MSRA: variants seen among roughly 807,000 people sequenced by gnomAD.
The protein encoded by MSRA is methionine sulfoxide reductase A.
Under a neutral mutation model 31.3 loss-of-function variants are expected in MSRA, and 54 were observed. The ratio of observed to expected loss-of-function variants is 1.73; its 90% confidence interval spans 1.39 to 2.17. The LOEUF (loss-of-function observed/expected upper bound fraction) is 2.17, where lower values mean the gene tolerates loss of function less well. Among genes scored for constraint, MSRA ranks in the 30% most tolerant of loss-of-function variants. MSRA has a pLI of 0.00. For synonymous variants in MSRA, 169 were observed against 116.5 expected, an observed-to-expected ratio of 1.45 and a Z score of -2.90; for missense variants, 507 against 300.9, an observed-to-expected ratio of 1.69 and a Z score of -5.07.
intron 5 of MSRA, among the ~76,000 whole-genome samples, chr8:10,412,684 T>C (rs1317443300): frequency 6.6e-6 from 1 of 152,176 alleles, no homozygotes; most frequent in Non-Finnish European, 1.5e-5. Context: ...CAGGATGCCT[T>C]TGTATACAGA....
chr8:10,153,951 A>G (rs908860011), intron 1 of MSRA, among the ~76,000 whole-genome samples: 3 of 152,222 alleles, frequency 2.0e-5, no homozygotes, highest in East Asian at 1.9e-4. Flanking sequence ...ATAATGGTGT[A>G]TTTGACAAAA....
intron 1 of MSRA, among the ~76,000 whole-genome samples, chr8:10,068,639 G>T (rs1480207620): frequency 6.6e-6 from 1 of 152,074 alleles, no homozygotes; most frequent in Admixed American, 6.5e-5. Context: ...CTATTTCTGG[G>T]CTCCTTATTA....
intron 1 of MSRA, among the ~76,000 whole-genome samples, chr8:10,139,472 C>A (rs1332077252): frequency 2.0e-5 from 3 of 152,152 alleles, no homozygotes; most frequent in Non-Finnish European, 2.9e-5. Flanking sequence ...GTAGCCGTCA[C>A]CCAAACAGTG....
intron 3 of MSRA, among the ~76,000 whole-genome samples, chr8:10,288,276 A>G (rs918541942): frequency 2.0e-5 from 3 of 152,150 alleles, no homozygotes; most frequent in African/African-American, 4.8e-5. Context: ...GATATACTAT[A>G]TACCACTAGT....
chr8:10,188,512 T>C (rs1585125386), intron 1 of MSRA, among the ~76,000 whole-genome samples: 1 of 152,332 alleles, frequency 6.6e-6, no homozygotes, highest in East Asian at 1.9e-4. Flanking sequence ...AGAAAAAGAA[T>C]GGGGAACTGT....
chr8:10,188,631 C>G (rs1288619141), intron 1 of MSRA, among the ~76,000 whole-genome samples: 1 of 152,160 alleles, frequency 6.6e-6, no homozygotes. Context: ...TTTAGATATA[C>G]AGTTGTTCCA....
chr8:10,334,920 C>A (rs1341545325), intron 5 of MSRA, among the ~76,000 whole-genome samples: 1 of 152,248 alleles, frequency 6.6e-6, no homozygotes. Flanking sequence ...GTTCGGGCCC[C>A]GCCGAGCCAT....
chr8:10,338,083 G>C (rs143511011), intron 5 of MSRA, among the ~76,000 whole-genome samples: 3 of 152,178 alleles, frequency 2.0e-5, no homozygotes, highest in Non-Finnish European at 4.4e-5. Context: ...CAAATAGGAC[G>C]TGTGAGGAAT....
Position 10,154,387 on chromosome 8 carries a change from C to A in MSRA, c.143-53446C>A, listed in dbSNP as rs558789094. Among the ~76,000 whole-genome samples the A allele has an allele frequency of 5.3e-5, 8 of 150,878 alleles. No homozygotes were observed. In the East Asian group the frequency reaches 1.6e-3, roughly 29 times the overall value. On this transcript the variant is annotated intron_variant, in intron 1 of 5. Transcript: ENST00000317173. ...GGTTTTTTTTTTCTTTTCTTTCTTTCTTTTTTTTGAGACTGAGTCTTGCTC... is the reference window on the plus strand; with the variant it reads ...GGTTTTTTTTTTCTTTTCTTTCTTTATTTTTTTTGAGACTGAGTCTTGCTC...
chr8:10,231,743 G>A (rs1563247977), intron 2 of MSRA, among the ~76,000 whole-genome samples: 2 of 151,740 alleles, frequency 1.3e-5, no homozygotes, highest in Admixed American at 6.6e-5. Context: ...TCTCTACTCA[G>A]AATACAAAAA....
intron 5 of MSRA, among the ~76,000 whole-genome samples, chr8:10,327,082 G>C (rs147256803): frequency 6.6e-6 from 1 of 152,070 alleles, no homozygotes; most frequent in African/African-American, 2.4e-5. Flanking sequence ...TATTTCTCTC[G>C]CGAAAAAGAG....
At chr8:10,249,278 C>T (rs900559877) in intron 3 of MSRA, among the ~76,000 whole-genome samples, 2 of 152,132 alleles carry the variant, frequency 1.3e-5, no homozygotes, top group African/African-American at 4.8e-5. Flanking sequence ...CAATAAAATG[C>T]CTCTCTGAGA....
At chr8:10,218,123 TA>T (rs1810162687) in intron 2 of MSRA, among the ~76,000 whole-genome samples, 2 of 82,866 alleles carry the variant, frequency 2.4e-5, no homozygotes, top group Admixed American at 1.0e-4. Context: ...TCTATTTATT[TA>T]TTTATTTATT....
chr8:10,198,809 G>A (rs1808222549), intron 1 of MSRA, among the ~76,000 whole-genome samples: 1 of 152,026 alleles, frequency 6.6e-6, no homozygotes, highest in African/African-American at 2.4e-5. Context: ...TTTATTTTTT[G>A]TAGCAATGGG....
intron 1 of MSRA, among the ~76,000 whole-genome samples, chr8:10,078,254 C>T (rs1798094955): frequency 6.6e-6 from 1 of 152,204 alleles, no homozygotes; most frequent in South Asian, 2.1e-4. Context: ...CCTCCTCCTC[C>T]TTCCCTACTC....
chr8:10,307,313 C>A (rs534421411), intron 4 of MSRA, among the ~76,000 whole-genome samples: 9 of 152,108 alleles, frequency 5.9e-5, no homozygotes, highest in Admixed American at 3.9e-4. Flanking sequence ...ATGACAGGTG[C>A]ACGCCACCAT....
intron 1 of MSRA, among the ~76,000 whole-genome samples, chr8:10,189,379 A>G (rs1452410385): frequency 6.6e-6 from 1 of 152,114 alleles, no homozygotes; most frequent in African/African-American, 2.4e-5. Context: ...CCTCACTACA[A>G]TGTCAAATAG....
intron 5 of MSRA, among the ~76,000 whole-genome samples, chr8:10,378,137 A>T (rs1334756648): frequency 6.6e-6 from 1 of 152,208 alleles, no homozygotes; most frequent in African/African-American, 2.4e-5. Context: ...AGGGCTGTGG[A>T]TGGGGATCAG....
intron 5 of MSRA, among the ~76,000 whole-genome samples, chr8:10,374,438 C>T (rs977764403): frequency 6.6e-6 from 1 of 152,090 alleles, no homozygotes; most frequent in African/African-American, 2.4e-5. Flanking sequence ...GGCTGGGTAC[C>T]GTGCATATGA....
Sources: allele counts gnomAD v4.1 joint callset (sites outside exome capture counted in the v4.1 genomes callset), GRCh38; gene constraint gnomAD v4.1.1; transcripts MANE v1.5; gene names NCBI Gene and HGNC (gene_info 2026-07-23, HGNC 2026-07-21).